The following DROSHA variants were observed in gnomAD, a reference collection of about 807,000 sequenced individuals.
DROSHA encodes the protein ribonuclease 3.
DROSHA carries 56 observed loss-of-function variants against 181.9 expected under a neutral mutation model. The ratio of observed to expected loss-of-function variants is 0.31; its 90% confidence interval spans 0.25 to 0.38. DROSHA has a LOEUF of 0.38. Among genes scored for constraint, DROSHA ranks in the 10% least tolerant of loss-of-function variants. The pLI, the probability that DROSHA is intolerant of heterozygous loss-of-function variation, is 1.00. For missense variants in DROSHA, 1,218 were observed against 1,743.5 expected, an observed-to-expected ratio of 0.70 and a Z score of 5.37; for synonymous variants, 524 against 591.2, an observed-to-expected ratio of 0.89 and a Z score of 1.65.
In DROSHA at chr5:31,464,291, A is replaced by C. The variant is rs774124987; in HGVS notation, c.2519T>G (p.Val840Gly). Residue 840 changes from valine (V) to glycine (G), a missense_variant, in exon 20 of 36, where the codon GTG becomes GGG. By Grantham distance (109) the Val-to-Gly change is moderately radical. Transcript: ENST00000344624. ...QKNTMRREVT[V>G]ELSSQGFWKT... ...CCAGAATCCTTGGCTACTTAGCTCC[A>C]CCGTTACTTCTCGTCTCATTGTATT... is the stretch of plus-strand genomic sequence containing the variant. 6.2e-7 allele frequency: 1 copy of C among 1,613,366 alleles called. No homozygotes were observed. Among genetic ancestry groups the C allele is most frequent in the South Asian group, 1.1e-5 (1 of 91,024 alleles).
At position 31,449,460 on chromosome 5, in the gene DROSHA, T is replaced by C. The variant is rs140988484; in HGVS notation, c.2683-41A>G. On this transcript the variant is annotated intron_variant, in intron 21 of 35. Transcript: ENST00000344624. ...AATAAGTTCAGTCTTTAAAACAGCA[T>C]AAACTGGGTGCAGTGGCTCACGCCT... 1.0e-3 allele frequency: 1,588 copies of C among 1,538,686 alleles called. 21 individuals carry two copies. The East Asian group carries it at 0.029, about 28-fold the overall frequency.
intron 28 of DROSHA, among the ~76,000 whole-genome samples, chr5:31,423,906 T>G (rs1317753319): frequency 1.3e-5 from 2 of 152,204 alleles, no homozygotes; most frequent in Non-Finnish European, 2.9e-5. Flanking sequence ...TTCCAAAATC[T>G]TGAGTGAAAA....
intron 5 of DROSHA, among the ~76,000 whole-genome samples, chr5:31,522,700 A>C (rs746267033): frequency 6.6e-6 from 1 of 152,196 alleles, no homozygotes; most frequent in Non-Finnish European, 1.5e-5. Context: ...TCCAGTAGCT[A>C]CACATTTACT....
rs1751566588 is a variant in DROSHA, at chr5:31,485,026, A to G, written c.1915-64T>C. 7 of 1,142,468 alleles carry G rather than the reference A, an allele frequency of 6.1e-6. No homozygotes were observed. In the Admixed American group the frequency reaches 1.7e-4, roughly 27 times the overall value. 70.8% of individuals were successfully genotyped at this position (1,142,468 alleles called of 1,614,324 possible). A position where few individuals can be genotyped will look rare whatever the true frequency, so the allele number is the denominator to read the frequency against. On this transcript the variant is annotated intron_variant, in intron 14 of 35. Transcript: ENST00000344624. Reference sequence around the variant, plus strand: ...AAAATATACATTAACTGAAGGTTCAACTTGTTCTTGTCAAGTGTCTTTAAA... The same window carrying G: ...AAAATATACATTAACTGAAGGTTCAGCTTGTTCTTGTCAAGTGTCTTTAAA...
intron 14 of DROSHA, among the ~76,000 whole-genome samples, chr5:31,485,702 T>C (rs2150038196): frequency 6.6e-6 from 1 of 151,848 alleles, no homozygotes; most frequent in Non-Finnish European, 1.5e-5. Flanking sequence ...TAATTCTTTT[T>C]GAAAGGAAGG....
chr5:31,443,042 ATT>A (rs558352739), intron 23 of DROSHA, among the ~76,000 whole-genome samples: 5 of 142,980 alleles, frequency 3.5e-5, no homozygotes, highest in Non-Finnish European at 4.6e-5. Context: ...GGTCCGATAG[ATT>A]TTTTTTTTTT....
chr5:31,451,029 C>T (rs897255383), intron 21 of DROSHA, among the ~76,000 whole-genome samples: 7 of 152,066 alleles, frequency 4.6e-5, no homozygotes, highest in African/African-American at 1.7e-4. Context: ...TGGCAAAAGC[C>T]CGTCTCTACT....
At chr5:31,415,614 C>G (rs1741853094) in intron 30 of DROSHA, among the ~76,000 whole-genome samples, 1 of 152,182 alleles carries the variant, frequency 6.6e-6, no homozygotes, top group African/African-American at 2.4e-5. Context: ...GCTCTCTTTC[C>G]CATTATCCCA....
At chr5:31,429,332 T>G in intron 27 of DROSHA, 143 bp downstream of exon 27, 1 of 640,288 alleles carries the variant, frequency 1.6e-6, no homozygotes, top group Non-Finnish European at 2.5e-6. Flanking sequence ...AATAAGCCAT[T>G]TTGGTGTATT....
Position 31,424,413 on chromosome 5 carries a change from G to A in DROSHA, c.3261+14C>T. On this transcript the variant is annotated intron_variant, in intron 28 of 35. Coordinates refer to ENST00000344624, the MANE Select transcript of DROSHA (RefSeq NM_001382508.1). ...AGTTATAAAGCTCACTGCAGACAGGGAGGTCATACTTACTTGGAGTGGGTG... is the reference window on the plus strand; with the variant it reads ...AGTTATAAAGCTCACTGCAGACAGGAAGGTCATACTTACTTGGAGTGGGTG... The A allele has an allele frequency of 3.1e-6, 5 of 1,596,164 alleles. No individual in the cohort carries two copies. The highest frequency in any genetic ancestry group is 1.1e-5 in the South Asian group (1 of 87,272).
intron 11 of DROSHA, 81 bp from the exon 12 acceptor site, chr5:31,495,453 C>T (rs1178998840): frequency 3.2e-5 from 42 of 1,301,068 alleles, no homozygotes; most frequent in Non-Finnish European, 4.5e-5. Context: ...TTCCTAGATT[C>T]ACATCTAACA....
chr5:31,436,318 G>A (rs529072341), intron 24 of DROSHA, among the ~76,000 whole-genome samples: 1 of 151,378 alleles, frequency 6.6e-6, no homozygotes, highest in Non-Finnish European at 1.5e-5. Flanking sequence ...AGTTCCAAGA[G>A]AAGCATGTAT....
At chr5:31,479,267 G>A (rs1363554549) in intron 16 of DROSHA, among the ~76,000 whole-genome samples, 1 of 152,166 alleles carries the variant, frequency 6.6e-6, no homozygotes, top group Non-Finnish European at 1.5e-5. Flanking sequence ...TGTTCAGAAG[G>A]AAGTGTTCAC....
At chr5:31,404,403 G>A (rs554685307) in intron 35 of DROSHA, among the ~76,000 whole-genome samples, 2 of 152,294 alleles carry the variant, frequency 1.3e-5, no homozygotes, top group East Asian at 3.9e-4. Context: ...CAGCATCAGC[G>A]TCTGCTCCCA....
chr5:31,513,619 A>G (rs1029792849), intron 8 of DROSHA, among the ~76,000 whole-genome samples: 10 of 152,216 alleles, frequency 6.6e-5, no homozygotes, highest in African/African-American at 2.4e-4. Context: ...GACTTCTCAA[A>G]TCCTTTGTTT....
At chr5:31,446,340 G>A (rs1013698235) in intron 23 of DROSHA, among the ~76,000 whole-genome samples, 2 of 151,400 alleles carry the variant, frequency 1.3e-5, no homozygotes, top group African/African-American at 2.4e-5. Context: ...CCAGCTACTC[G>A]GTAGGCTGAG....
chr5:31,493,720 A>T (rs1752645434), intron 12 of DROSHA, among the ~76,000 whole-genome samples: 1 of 152,136 alleles, frequency 6.6e-6, no homozygotes, highest in Non-Finnish European at 1.5e-5. Context: ...AACAGCCTAG[A>T]AGTCTCTCAA....
intron 16 of DROSHA, among the ~76,000 whole-genome samples, chr5:31,482,981 A>G (rs538541518): frequency 6.6e-6 from 1 of 152,184 alleles, no homozygotes; most frequent in East Asian, 1.9e-4. Flanking sequence ...AACACTAAAT[A>G]TAATGCCAAA....
intron 13 of DROSHA, among the ~76,000 whole-genome samples, chr5:31,488,644 G>A (rs1752061858): frequency 6.6e-6 from 1 of 152,034 alleles, no homozygotes; most frequent in South Asian, 2.1e-4. Flanking sequence ...TTAAGGTCAG[G>A]GCTTATGGAT....
Sources: gnomAD v4.1 joint callset for allele counts (sites outside exome capture counted in the v4.1 genomes callset) on GRCh38, gnomAD v4.1.1 for gene constraint, MANE v1.5 for transcripts, NCBI Gene and HGNC (gene_info 2026-07-23, HGNC 2026-07-21) for gene names.